The following DCBLD1 variants were observed in gnomAD, a reference collection of about 807,000 sequenced individuals.
The protein encoded by DCBLD1 is discoidin, CUB and LCCL domain-containing protein 1.
A neutral mutation model predicts 71.5 loss-of-function variants in DCBLD1; 57 were observed. The ratio of observed to expected loss-of-function variants is 0.80; its 90% CI spans 0.64 to 0.99. The LOEUF (loss-of-function observed/expected upper bound fraction) is 0.99, where lower values mean the gene tolerates loss of function less well. DCBLD1 is among the 50% of genes least tolerant of loss of function. The pLI is 0.00. For missense variants in DCBLD1, 891 were observed against 923.5 expected (o/e 0.96, Z 0.46); for synonymous variants, 380 against 363.8 (o/e 1.04, Z -0.51).
At chr6:117,512,735 G>A (rs1054381474) in intron 2 of DCBLD1, among the ~76,000 whole-genome samples, 1 of 152,120 alleles carries the variant, frequency 6.6e-6, no homozygotes, top group Non-Finnish European at 1.5e-5. Flanking sequence ...AAAGAATTGT[G>A]TGCTTCAGAT....
chr6:117,543,572 T>C (rs896772606), intron 12 of DCBLD1, among the ~76,000 whole-genome samples: 2 of 152,142 alleles, frequency 1.3e-5, no homozygotes, highest in African/African-American at 4.8e-5. Flanking sequence ...GGGATCTTGC[T>C]TTCTCACCCA....
At chr6:117,554,148 A>G (rs1779466242), downstream of DCBLD1, among the ~76,000 whole-genome samples, 1 of 152,186 alleles carries the variant, frequency 6.6e-6, no homozygotes, top group East Asian at 1.9e-4. Context: ...TATTCCTAGT[A>G]GCTTTTAGTT....
intron 14 of DCBLD1, among the ~76,000 whole-genome samples, chr6:117,568,561 A>G (rs1779744439): frequency 6.6e-6 from 1 of 152,218 alleles, no homozygotes; most frequent in African/African-American, 2.4e-5. Context: ...ACTTAAGAGA[A>G]TAGCGTAGCA....
At chr6:117,518,383 T>G (rs1176547147) in intron 2 of DCBLD1, among the ~76,000 whole-genome samples, 1 of 152,208 alleles carries the variant, frequency 6.6e-6, no homozygotes, top group African/African-American at 2.4e-5. Flanking sequence ...AGTTCCAAAC[T>G]TTCCCACATT....
chr6:117,538,522 A>C (rs1340637420), intron 7 of DCBLD1, 98 bp from the exon 8 acceptor site: 1 of 1,136,950 alleles, frequency 8.8e-7, no homozygotes, highest in Non-Finnish European at 1.3e-6. Flanking sequence ...AATAAAAGTC[A>C]ACTAGTTGAA....
intron 14 of DCBLD1, among the ~76,000 whole-genome samples, chr6:117,546,028 C>T (rs1779254731): frequency 2.0e-5 from 3 of 152,134 alleles, no homozygotes; most frequent in Non-Finnish European, 4.4e-5. Context: ...CATCAAGAGT[C>T]GAGCTTCCCA....
chr6:117,537,555 A>G (rs1275239103), intron 7 of DCBLD1, among the ~76,000 whole-genome samples: 1 of 148,776 alleles, frequency 6.7e-6, no homozygotes, highest in Non-Finnish European at 1.5e-5. Flanking sequence ...AAAGAATTTG[A>G]TATTTTAAAA....
In DCBLD1 at chr6:117,548,579, A is replaced by G; in HGVS notation, c.*140A>G. ...GCATGTGTGTGTGTGATCCAGTAGG[A>G]TCCTAGAGACAACCTGTCATACTGT... is the stretch of plus-strand genomic sequence containing the variant. On this transcript the variant is annotated 3_prime_UTR_variant, in exon 15 of 15. Coordinates refer to ENST00000338728, the MANE Select transcript of DCBLD1 (RefSeq NM_001366458.2). 2 of 1,456,860 alleles carry G rather than the reference A, an allele frequency of 1.4e-6. No homozygotes were observed. The highest frequency in any genetic ancestry group is 1.8e-6 in the Non-Finnish European group (2 of 1,109,730). The allele number at this position is 1,456,860 out of a possible 1,614,324, so 90.2% of individuals were successfully genotyped here. A position where few individuals can be genotyped will look rare whatever the true frequency, so the allele number is the denominator to read the frequency against.
At chr6:117,527,046 G>A (rs1005004705) in intron 5 of DCBLD1, among the ~76,000 whole-genome samples, 3 of 152,290 alleles carry the variant, frequency 2.0e-5, no homozygotes, top group Admixed American at 6.5e-5. Flanking sequence ...TGAGGGCCTC[G>A]GTTTCTTCCT....
intron 14 of DCBLD1, chr6:117,560,503 ATGAAACCTTTT>A (rs1306701040): frequency 5.1e-6 from 1 of 194,484 alleles, no homozygotes; most frequent in African/African-American, 2.3e-5. Flanking sequence ...CATGAATCAC[ATGAAACCTTTT>A]TGTTTCTAAA....
At chr6:117,514,261 A>T (rs1428443843) in intron 2 of DCBLD1, among the ~76,000 whole-genome samples, 1 of 152,180 alleles carries the variant, frequency 6.6e-6, no homozygotes, top group African/African-American at 2.4e-5. Context: ...CCCTGAATTA[A>T]AACTCATTCT....
Position 117,519,839 on chromosome 6 carries a change from G to A in DCBLD1, c.349G>A (p.Val117Ile), listed in dbSNP as rs768496161. The change falls in exon 3 of 15, where the codon GTT (valine) becomes ATT (isoleucine). Residue 117 changes from valine to isoleucine, a missense_variant. Coordinates refer to ENST00000338728, the MANE Select transcript of DCBLD1 (RefSeq NM_001366458.2). ...AGGTCCATACTGTGGAAGTATGACT[G>A]TTCCCAAAGAACTCTTGTTGAACAC... ...QYGPYCGSMT[V>I]PKELLLNTSE... 6 of 1,613,864 alleles carry A rather than the reference G, an allele frequency of 3.7e-6. No homozygotes were observed. Among genetic ancestry groups the A allele is most frequent in the East Asian group, 4.5e-5 (2 of 44,888 alleles).
rs991760456 is a variant in DCBLD1 at position 117,539,459 on chromosome 6, A to G, written c.1101+80A>G. 1.2e-5 allele frequency: 18 copies of G among 1,444,050 alleles called. No individual in the cohort carries two copies. In the Admixed American group the frequency reaches 2.1e-4, roughly 17 times the overall value. The allele number at this position is 1,444,050 out of a possible 1,614,324, so 89.5% of individuals were successfully genotyped here. On this transcript the variant is annotated intron_variant, in intron 9 of 14. Transcript: ENST00000338728. Reference sequence around the variant, plus strand: ...ATTTTCATCAATGTGTTTACATTAAATATCTCATTAATAAAAGACAGTGAG... The same window carrying G: ...ATTTTCATCAATGTGTTTACATTAAGTATCTCATTAATAAAAGACAGTGAG...
chr6:117,548,802 T>G lies in DCBLD1; in HGVS notation c.*363T>G, dbSNP rs1779366132. 3.6e-6 allele frequency: 4 copies of G among 1,102,914 alleles called. No individual in the cohort carries two copies. In the Admixed American group the frequency reaches 1.4e-4, roughly 39 times the overall value. 68.3% of individuals were successfully genotyped at this position (1,102,914 alleles called of 1,614,324 possible). A position where few individuals can be genotyped will look rare whatever the true frequency, so the allele number is the denominator to read the frequency against. On this transcript the variant is annotated 3_prime_UTR_variant, in exon 15 of 15. Transcript: ENST00000338728. ...GTAACTTAAGTTTGCTCTATCAGAT[T>G]TTAGTTCTGCACAGAGGTTAAGTGG...
chr6:117,547,779 C>T, intron 14 of DCBLD1, 128 bp from the exon 15 acceptor site: 8 of 1,541,130 alleles, frequency 5.2e-6, no homozygotes, highest in Non-Finnish European at 7.0e-6. Context: ...TCCGCAGTGC[C>T]TGGGACACCT....
chr6:117,538,896 A>C, intron 8 of DCBLD1, 61 bp downstream of exon 8: 2 of 1,504,294 alleles, frequency 1.3e-6, no homozygotes, highest in Non-Finnish European at 1.8e-6. Context: ...AATGACTCGT[A>C]GTTGAAAATA....
At chr6:117,526,391 A>T (rs1005396857) in intron 5 of DCBLD1, among the ~76,000 whole-genome samples, 5 of 152,222 alleles carry the variant, frequency 3.3e-5, no homozygotes, top group African/African-American at 9.6e-5. Context: ...TTCTTAAATG[A>T]CTACAGGGAA....
rs1226807230 is a variant in DCBLD1, at chr6:117,548,005, A to G, written c.1714A>G (p.Thr572Ala). The change falls in exon 15 of 15, where the codon ACC becomes GCC. Residue 572 changes from threonine to alanine, a missense_variant. Transcript: ENST00000338728. ...DTDAEEAGVS[T>A]DAGGHYDCPQ... ...GGATGCCGAGGAGGCAGGGGTGAGC[A>G]CCGATGCCGGCGGCCACTATGACTG... The G allele has an allele frequency of 1.9e-6, 3 of 1,550,432 alleles. No individual in the cohort carries two copies. Among genetic ancestry groups the G allele is most frequent in the Non-Finnish European group, 2.6e-6 (3 of 1,146,894 alleles).
At chr6:117,521,490 A>G (rs1778383026) in intron 3 of DCBLD1, 35 bp from the exon 4 acceptor site, 2 of 1,523,238 alleles carry the variant, frequency 1.3e-6, no homozygotes, top group Admixed American at 4.1e-5. Flanking sequence ...GTTTTTATTC[A>G]TTCTATTAAT....
Sources: gnomAD v4.1 joint callset for allele counts (sites outside exome capture counted in the v4.1 genomes callset) on GRCh38, gnomAD v4.1.1 for gene constraint, MANE v1.5 for transcripts, NCBI Gene and HGNC (gene_info 2026-07-23, HGNC 2026-07-21) for gene names.